The following ZNF599 variants were observed in gnomAD, a reference collection of about 807,000 sequenced individuals.
ZNF599 encodes the protein zinc finger protein 599.
A neutral mutation model predicts 11.7 loss-of-function variants in ZNF599; 10 were observed. That is an observed-to-expected ratio of 0.86 (90% CI 0.53 to 1.45). ZNF599 has a LOEUF of 1.45. Ranked by LOEUF, ZNF599 falls within the 40% of genes most tolerant of loss-of-function variation. The pLI, the probability that ZNF599 is intolerant of heterozygous loss-of-function variation, is 0.00. For synonymous variants in ZNF599, 232 were observed against 253.2 expected (o/e 0.92, Z 0.79); for missense variants, 688 against 713.6 (o/e 0.96, Z 0.41).
At chr19:34,773,796 A>G (rs1327796269), upstream of ZNF599, among the ~76,000 whole-genome samples, 1 of 152,178 alleles carries the variant, frequency 6.6e-6, no homozygotes, top group Non-Finnish European at 1.5e-5. Context: ...CAGTAAATAA[A>G]TGAGACAAAG....
chr19:34,771,103 T>C (rs2069181102), intron 1 of ZNF599, among the ~76,000 whole-genome samples: 2 of 152,028 alleles, frequency 1.3e-5, no homozygotes, highest in Admixed American at 6.6e-5. Context: ...AGTGAGCCCA[T>C]CTCTACAAAA....
chr19:34,801,570 A>T, the ZNF599 span, among the ~76,000 whole-genome samples: 1 of 152,238 alleles, frequency 6.6e-6, no homozygotes, highest in Non-Finnish European at 1.5e-5. Flanking sequence ...TATGTGATAC[A>T]CTCATAAAGC....
chr19:34,780,926 G>A, the ZNF599 span, among the ~76,000 whole-genome samples: 10 of 152,178 alleles, frequency 6.6e-5, no homozygotes, highest in Non-Finnish European at 1.3e-4. Flanking sequence ...GGAGGCCGAG[G>A]CAGGTGGATC....
intron 3 of ZNF599, chr19:34,763,704 C>T (rs973268947): frequency 6.6e-6 from 1 of 152,222 alleles, no homozygotes; most frequent in African/African-American, 2.4e-5. Flanking sequence ...GACTAACACA[C>T]TTTTCTAAGA....
chr19:34,798,651 A>G, the ZNF599 span, among the ~76,000 whole-genome samples: 5 of 152,302 alleles, frequency 3.3e-5, no homozygotes, highest in East Asian at 5.8e-4. Context: ...TACAGACTCC[A>G]TTCATTTCTA....
chr19:34,791,939 C>A, the ZNF599 span: 1 of 152,194 alleles, frequency 6.6e-6, no homozygotes, highest in Non-Finnish European at 1.5e-5. Flanking sequence ...AATAGGACAG[C>A]AATATTTGGG....
At chr19:34,776,608 C>CA (rs977722170), upstream of ZNF599, among the ~76,000 whole-genome samples, 3 of 152,174 alleles carry the variant, frequency 2.0e-5, no homozygotes, top group African/African-American at 4.8e-5. Context: ...CAGGAAATCA[C>CA]AACTAACCAA....
chr19:34,779,243 C>CTTTTTTT, the ZNF599 span, among the ~76,000 whole-genome samples: 4 of 57,312 alleles, frequency 7.0e-5, no homozygotes, highest in Admixed American at 2.5e-4. Flanking sequence ...CCATGCCCAG[C>CTTTTTTT]TTTTTTTTTT....
chr19:34,790,927 T>A, the ZNF599 span, among the ~76,000 whole-genome samples: 1 of 152,094 alleles, frequency 6.6e-6, no homozygotes, highest in African/African-American at 2.4e-5. Context: ...AAAAAAGAAA[T>A]GTGTTATTAT....
Position 34,765,232 on chromosome 19 carries a change from C to T in ZNF599, c.241+2084G>A, listed in dbSNP as rs1489432979. The T allele has an allele frequency of 1.6e-5, 4 of 247,240 alleles. No homozygotes were observed. In the East Asian group the frequency reaches 3.3e-4, roughly 20 times the overall value. 15.3% of individuals were successfully genotyped at this position (247,240 alleles called of 1,614,324 possible). ...TAGTGTTCACACCCTTTTGTAGTTC[C>T]CCTGTTAAAATGTTGGCAGGACCTC... On this transcript the variant is annotated intron_variant, in intron 3 of 3. Transcript: ENST00000329285.
intron 1 of ZNF599, 91 bp downstream of exon 1, chr19:34,772,733 G>GCA: frequency 6.5e-7 from 1 of 1,530,078 alleles, no homozygotes; most frequent in African/African-American, 1.4e-5. Flanking sequence ...AAAGGGAGAA[G>GCA]CACAGAGTCC....
chr19:34,794,525 G>C, the ZNF599 span, among the ~76,000 whole-genome samples: 9 of 151,638 alleles, frequency 5.9e-5, no homozygotes, highest in African/African-American at 2.2e-4. Flanking sequence ...ACTGATCTTC[G>C]ACCTCATTCC....
intron 2 of ZNF599, among the ~76,000 whole-genome samples, chr19:34,769,043 C>A (rs772719249): frequency 7.9e-5 from 12 of 152,180 alleles, no homozygotes; most frequent in Non-Finnish European, 1.5e-4. Context: ...GCACTGATAA[C>A]AAACACCTTC....
At chr19:34,777,450 T>TATA (rs1410033333), upstream of ZNF599, among the ~76,000 whole-genome samples, 4 of 97,480 alleles carry the variant, frequency 4.1e-5, no homozygotes, top group South Asian at 1.0e-3. Context: ...TATATATTAA[T>TATA]TAATATATAA....
At chr19:34,790,630 G>T in the ZNF599 span, among the ~76,000 whole-genome samples, 1 of 152,134 alleles carries the variant, frequency 6.6e-6, no homozygotes, top group East Asian at 1.9e-4. Context: ...AGGGAAAGAT[G>T]TTGATCAATG....
chr19:34,788,971 C>T, the ZNF599 span, among the ~76,000 whole-genome samples: 1 of 152,194 alleles, frequency 6.6e-6, no homozygotes, highest in African/African-American at 2.4e-5. Flanking sequence ...CACCCACCCT[C>T]TTAGCATTTT....
At position 34,772,969 on chromosome 19, in the gene ZNF599, A is replaced by C; in HGVS notation, c.-128T>G. The C allele has an allele frequency of 8.4e-7, 1 of 1,184,280 alleles. No homozygotes were observed. The highest frequency in any genetic ancestry group is 1.6e-5 in the African/African-American group (1 of 61,456). The allele number at this position is 1,184,280 out of a possible 1,614,324, so 73.4% of individuals were successfully genotyped here. ...CCCCGCCGTCGTGTAAAATGCACAC[A>C]AGGTTCGCGGCGCCGCCTCTGCGCG... On this transcript the variant is annotated 5_prime_UTR_variant, in exon 1 of 4. Coordinates refer to ENST00000329285, the MANE Select transcript of ZNF599 (RefSeq NM_001007248.3).
At chr19:34,797,212 A>C in the ZNF599 span, among the ~76,000 whole-genome samples, 1 of 152,144 alleles carries the variant, frequency 6.6e-6, no homozygotes, top group Admixed American at 6.5e-5. Context: ...CCAGTCTATC[A>C]TTGTTGGACA....
chr19:34,759,267 A>G lies in ZNF599; in HGVS notation c.1534T>C (p.Cys512Arg). 2 of 1,614,208 alleles carry G rather than the reference A, an allele frequency of 1.2e-6. No individual in the cohort carries two copies. The highest frequency in any genetic ancestry group is 1.7e-6 in the Non-Finnish European group (2 of 1,180,028). ...TGEKPYVCRE[C>R]GKAFTQPANF... The stretch of plus-strand genomic sequence containing the variant: ...GCAGGTTGGGTAAAAGCCTTTCCAC[A>G]TTCTCTACAAACATAGGGCTTCTCT... The change falls in exon 4 of 4, where the codon TGT (cysteine) becomes CGT (arginine). Residue 512 changes from cysteine (C) to arginine (R), a missense_variant. Coordinates refer to ENST00000329285, the MANE Select transcript of ZNF599 (RefSeq NM_001007248.3).
Sources: allele counts gnomAD v4.1 joint callset (sites outside exome capture counted in the v4.1 genomes callset), GRCh38; gene constraint gnomAD v4.1.1; transcripts MANE v1.5; gene names NCBI Gene and HGNC (gene_info 2026-07-23, HGNC 2026-07-21).